TBC1D19: variants seen among roughly 807,000 people sequenced by gnomAD.
The protein encoded by TBC1D19 is TBC1 domain family member 19, also known as TBC1 domain family, member 19.
Under a neutral mutation model 89.0 loss-of-function variants are expected in TBC1D19, and 60 were observed. That is an observed-to-expected ratio of 0.67 (90% CI 0.55 to 0.84). The LOEUF (loss-of-function observed/expected upper bound fraction) is 0.84, where lower values mean the gene tolerates loss of function less well. TBC1D19 is among the 40% of genes least tolerant of loss of function. The pLI, the probability that TBC1D19 is intolerant of heterozygous loss-of-function variation, is 0.00. For missense variants in TBC1D19, 500 were observed against 610.8 expected, an observed-to-expected ratio of 0.82 and a Z score of 1.91; for synonymous variants, 189 against 199.7, an observed-to-expected ratio of 0.95 and a Z score of 0.45.
chr4:26,824,683 C>CTT, the TBC1D19 span, among the ~76,000 whole-genome samples: 2 of 148,356 alleles, frequency 1.3e-5, no homozygotes, highest in Non-Finnish European at 3.0e-5. Context: ...TTCTTTCTTT[C>CTT]TTTTTTTTTT....
chr4:26,679,456 G>T (rs1436575253), intron 11 of TBC1D19, among the ~76,000 whole-genome samples: 1 of 152,168 alleles, frequency 6.6e-6, no homozygotes, highest in Non-Finnish European at 1.5e-5. Context: ...AATTTCAAAG[G>T]ATATATGAAA....
At chr4:26,718,096 G>A in intron 14 of TBC1D19, 79 bp downstream of exon 14, 2 of 1,081,170 alleles carry the variant, frequency 1.8e-6, no homozygotes, top group Non-Finnish European at 2.7e-6. Context: ...TTTGGAGATA[G>A]TGGTGTTGCC....
intron 20 of TBC1D19, among the ~76,000 whole-genome samples, chr4:26,754,477 T>C (rs533803606): frequency 1.3e-5 from 2 of 152,342 alleles, no homozygotes; most frequent in South Asian, 4.1e-4. Flanking sequence ...AGGATGTTTA[T>C]GCATCTTGTA....
the TBC1D19 span, among the ~76,000 whole-genome samples, chr4:26,838,008 A>G: frequency 6.6e-6 from 1 of 152,194 alleles, no homozygotes; most frequent in Non-Finnish European, 1.5e-5. Flanking sequence ...TTTGCAGATA[A>G]CAGTTTCAAT....
At chr4:26,675,719 C>T (rs1359791358) in intron 11 of TBC1D19, among the ~76,000 whole-genome samples, 1 of 152,082 alleles carries the variant, frequency 6.6e-6, no homozygotes, top group Non-Finnish European at 1.5e-5. Context: ...TTTTCAATCA[C>T]ATAAAATAAG....
At chr4:26,831,578 CTTTTTTTTTT>C in the TBC1D19 span, among the ~76,000 whole-genome samples, 1 of 123,372 alleles carries the variant, frequency 8.1e-6, no homozygotes, top group African/African-American at 4.0e-5. Flanking sequence ...TCTTTTTCTT[CTTTTTTTTTT>C]TTCTTTTTTT....
chr4:26,810,945 G>A, the TBC1D19 span, among the ~76,000 whole-genome samples: 1 of 152,134 alleles, frequency 6.6e-6, no homozygotes, highest in South Asian at 2.1e-4. Flanking sequence ...AAGACAGTGT[G>A]GCAATCCCTC....
intron 1 of TBC1D19, among the ~76,000 whole-genome samples, chr4:26,592,515 G>A (rs1673840474): frequency 6.7e-6 from 1 of 149,766 alleles, no homozygotes; most frequent in South Asian, 2.1e-4. Context: ...AAGAAATAAA[G>A]GGTATTCAAT....
the TBC1D19 span, among the ~76,000 whole-genome samples, chr4:26,826,225 T>A: frequency 6.6e-6 from 1 of 151,964 alleles, no homozygotes; most frequent in East Asian, 1.9e-4. Flanking sequence ...GAAAAAAAAA[T>A]TCAAAGATCA....
the TBC1D19 span, among the ~76,000 whole-genome samples, chr4:26,825,713 A>G: frequency 6.6e-6 from 1 of 152,198 alleles, no homozygotes; most frequent in African/African-American, 2.4e-5. Flanking sequence ...TCCCAGCCCT[A>G]CCACTTAGTT....
chr4:26,759,088 G>A (rs758213595), downstream of TBC1D19, among the ~76,000 whole-genome samples: 1 of 152,004 alleles, frequency 6.6e-6, no homozygotes, highest in Non-Finnish European at 1.5e-5. Flanking sequence ...CCCACCTCAG[G>A]TATTGCATCA....
the TBC1D19 span, among the ~76,000 whole-genome samples, chr4:26,813,609 G>T: frequency 3.2e-3 from 481 of 152,212 alleles, 2 homozygotes; most frequent in African/African-American, 0.011. Flanking sequence ...AACACATCTG[G>T]CCCACAGAGC....
At chr4:26,803,935 G>A in the TBC1D19 span, among the ~76,000 whole-genome samples, 1 of 151,504 alleles carries the variant, frequency 6.6e-6, no homozygotes, top group Non-Finnish European at 1.5e-5. Context: ...GAGGGGGCAT[G>A]GAGGTAGGAA....
At position 26,755,673 on chromosome 4, in the gene TBC1D19, C is replaced by T. The variant is rs753882520; in HGVS notation, c.*726C>T. ...TCTTGCTTAGAAGACTTGACATTGC[C>T]GATGCTTGTTGCCAGCTTCTGTTAC... is the stretch of plus-strand genomic sequence containing the variant. On this transcript the variant is annotated 3_prime_UTR_variant, in exon 21 of 21. Transcript: ENST00000264866. Among the ~76,000 whole-genome samples the T allele has an allele frequency of 2.2e-4, 33 of 152,116 alleles. No homozygotes were observed. Among genetic ancestry groups the T allele is most frequent in the Non-Finnish European group, 3.8e-4 (26 of 68,020 alleles).
intron 1 of TBC1D19, among the ~76,000 whole-genome samples, chr4:26,600,702 A>C (rs1019442710): frequency 5.9e-5 from 9 of 152,230 alleles, no homozygotes; most frequent in African/African-American, 2.2e-4. Context: ...TGTCAGCAAA[A>C]GAAAACCAGT....
chr4:26,719,359 A>G (rs1248053994), intron 14 of TBC1D19, among the ~76,000 whole-genome samples: 2 of 152,092 alleles, frequency 1.3e-5, no homozygotes, highest in African/African-American at 2.4e-5. Context: ...AATAAAAAGA[A>G]CTTTTTTTAA....
intron 18 of TBC1D19, among the ~76,000 whole-genome samples, chr4:26,747,295 T>A (rs754583082): frequency 6.6e-6 from 1 of 152,190 alleles, no homozygotes; most frequent in Non-Finnish European, 1.5e-5. Flanking sequence ...AGTTAATAAT[T>A]TTGACTTTAA....
chr4:26,712,689 G>C lies in TBC1D19; in HGVS notation c.955-5244G>C, dbSNP rs534360910. ...TGATTCTGGTGGCTGGAAAGTCTAA[G>C]ATTGAACAGCCTATCTAGTGAAGGT... is the stretch of plus-strand genomic sequence containing the variant. On this transcript the variant is annotated intron_variant, in intron 13 of 20. Transcript: ENST00000264866. Among the ~76,000 whole-genome samples the C allele has an allele frequency of 3.3e-5, 5 of 152,132 alleles. No individual in the cohort carries two copies. In the East Asian group the frequency reaches 7.7e-4, roughly 24 times the overall value.
At chr4:26,653,702 C>T (rs1048386393) in intron 7 of TBC1D19, among the ~76,000 whole-genome samples, 1 of 151,966 alleles carries the variant, frequency 6.6e-6, no homozygotes, top group Non-Finnish European at 1.5e-5. Flanking sequence ...CAACCCCTGC[C>T]TTTTTTTGTT....
Sources: gnomAD v4.1 joint callset for allele counts (sites outside exome capture counted in the v4.1 genomes callset) on GRCh38, gnomAD v4.1.1 for gene constraint, MANE v1.5 for transcripts, NCBI Gene and HGNC (gene_info 2026-07-23, HGNC 2026-07-21) for gene names.